The following C3orf33 variants were observed in gnomAD, a reference collection of about 807,000 sequenced individuals.
C3orf33 encodes AP-1 activity suppressor.
C3orf33 carries 23 observed loss-of-function variants against 28.7 expected under a neutral mutation model. The ratio of observed to expected loss-of-function variants is 0.80; its 90% CI spans 0.58 to 1.13. The LOEUF is 1.13. C3orf33 is among the 50% of genes most tolerant of loss of function. C3orf33 has a pLI of 0.00. For synonymous variants in C3orf33, 119 were observed against 120.5 expected, an observed-to-expected ratio of 0.99 and a Z score of 0.08; for missense variants, 327 against 353.4, an observed-to-expected ratio of 0.93 and a Z score of 0.60.
intron 2 of C3orf33, among the ~76,000 whole-genome samples, chr3:155,796,113 C>T (rs915305884): frequency 8.6e-5 from 13 of 151,700 alleles, no homozygotes; most frequent in African/African-American, 3.1e-4. Context: ...AAAGCAAGAG[C>T]AAACCAAACC....
rs1751810160 is a variant in C3orf33, at chr3:155,806,249, C to A, written c.4G>T (p.Ala2Ser). The A allele has an allele frequency of 2.0e-6, 3 of 1,471,928 alleles. No individual in the cohort carries two copies. The highest frequency in any genetic ancestry group is 2.7e-6 in the Non-Finnish European group (3 of 1,110,024). 91.2% of individuals were successfully genotyped at this position (1,471,928 alleles called of 1,614,324 possible). Residue 2 changes from alanine to serine, a missense_variant, in exon 1 of 5, where the codon GCG becomes TCG. By Grantham distance (99) the Ala-to-Ser change is moderately conservative. Coordinates refer to ENST00000340171, the MANE Select transcript of C3orf33 (RefSeq NM_001308229.2). M[A>S]GQPAATGSPS... The stretch of plus-strand genomic sequence containing the variant: ...GAGCCGGTGGCCGCGGGCTGCCCCG[C>A]CATGTTCCCGGCCTCCTGCGAGCGG...
In C3orf33 at chr3:155,795,368, A is replaced by C. The variant is rs373211337; in HGVS notation, c.174+7164T>G. 8.5e-5 allele frequency among the ~76,000 whole-genome samples: 13 copies of C among 152,172 alleles called. No homozygotes were observed. The East Asian group carries it at 1.2e-3, about 14-fold the overall frequency. ...CTGATCAGGAGGCTGAGGCAGGAAA[A>C]TTGCTTGAACCCAGGAGGCGGAGGT... On this transcript the variant is annotated intron_variant, in intron 2 of 4. Transcript: ENST00000340171.
At chr3:155,765,949 T>C (rs1288447149) in intron 4 of C3orf33, among the ~76,000 whole-genome samples, 1 of 152,254 alleles carries the variant, frequency 6.6e-6, no homozygotes, top group Admixed American at 6.5e-5. Flanking sequence ...CATCTGGACA[T>C]GCAAAAATTA....
rs1446695697 is a variant in C3orf33, at chr3:155,790,184, A to T, written c.174+12348T>A. Among the ~76,000 whole-genome samples the T allele has an allele frequency of 9.3e-5, 14 of 150,644 alleles. No individual in the cohort carries two copies. In the South Asian group the frequency reaches 2.1e-3, roughly 23 times the overall value. ...GTCTCAAAAAAAAAAAAAAAAAAAA[A>T]AAAAATTGGTGCTGAGAAAACGGAA... On this transcript the variant is annotated intron_variant, in intron 2 of 4. Transcript: ENST00000340171.
chr3:155,770,466 A>C, intron 3 of C3orf33, among the ~76,000 whole-genome samples: 1 of 152,212 alleles, frequency 6.6e-6, no homozygotes, highest in East Asian at 1.9e-4. Context: ...GGGACCAAAA[A>C]CTTGAAGTGG....
At chr3:155,792,402 T>C (rs1751342019) in intron 2 of C3orf33, among the ~76,000 whole-genome samples, 1 of 151,964 alleles carries the variant, frequency 6.6e-6, no homozygotes, top group Admixed American at 6.6e-5. Context: ...CTATAATAAA[T>C]ACCGAAATCT....
At chr3:155,790,227 GAA>G (rs796923838) in intron 2 of C3orf33, among the ~76,000 whole-genome samples, 1 of 65,774 alleles carries the variant, frequency 1.5e-5, no homozygotes, top group African/African-American at 5.8e-5. Flanking sequence ...ATGCAAAAAA[GAA>G]AAAAAAAAAA....
intron 2 of C3orf33, among the ~76,000 whole-genome samples, chr3:155,790,039 C>T (rs1751262497): frequency 6.6e-6 from 1 of 151,832 alleles, no homozygotes; most frequent in East Asian, 1.9e-4. Flanking sequence ...TGGCGCATGC[C>T]TGTAGTCCCA....
At chr3:155,805,847 G>T in intron 1 of C3orf33, 1 of 511,032 alleles carries the variant, frequency 2.0e-6, no homozygotes, top group Non-Finnish European at 3.5e-6. Context: ...GGACCAGGTG[G>T]CATCCCCGAG....
chr3:155,775,507 C>T (rs988741044), intron 3 of C3orf33, among the ~76,000 whole-genome samples, 194 bp downstream of exon 3: 2 of 147,606 alleles, frequency 1.4e-5, no homozygotes, highest in African/African-American at 5.0e-5. Context: ...AAAAAAGGAA[C>T]GAAAGAAGAA....
intron 1 of C3orf33, among the ~76,000 whole-genome samples, chr3:155,805,913 C>T (rs1207224310): frequency 6.6e-6 from 1 of 152,186 alleles, no homozygotes; most frequent in Non-Finnish European, 1.5e-5. Context: ...GGATCCAGAA[C>T]AGTCCTTGTA....
intron 1 of C3orf33, 70 bp from the exon 2 acceptor site, chr3:155,802,661 G>C: frequency 2.5e-6 from 3 of 1,219,362 alleles, no homozygotes; most frequent in Non-Finnish European, 2.3e-6. Flanking sequence ...CTAATTAGAA[G>C]GTAGAAAAAA....
intron 3 of C3orf33, among the ~76,000 whole-genome samples, chr3:155,771,243 C>A (rs1750583184): frequency 6.6e-6 from 1 of 152,008 alleles, no homozygotes; most frequent in Non-Finnish European, 1.5e-5. Context: ...GTAACCAGGG[C>A]AACAGGCACA....
chr3:155,763,308 C>T lies in C3orf33; in HGVS notation c.*209G>A, dbSNP rs6806798. The stretch of plus-strand genomic sequence containing the variant: ...GTAACTTCTCATAAAGTGTTTCATC[C>T]TTCCTAAAATCATATTACATTAATT... On this transcript the variant is annotated 3_prime_UTR_variant, in exon 5 of 5. Coordinates refer to ENST00000340171, the MANE Select transcript of C3orf33 (RefSeq NM_001308229.2). The T allele has an allele frequency of 0.59, 218,717 of 372,824 alleles. 65,700 individuals are homozygous for T. Among genetic ancestry groups the T allele is most frequent in the Middle Eastern group, 0.67 (950 of 1,412 alleles). The allele number at this position is 372,824 out of a possible 1,614,324, so 23.1% of individuals were successfully genotyped here.
At chr3:155,775,585 C>T in intron 3 of C3orf33, 116 bp downstream of exon 3, 2 of 630,844 alleles carry the variant, frequency 3.2e-6, no homozygotes, top group Non-Finnish European at 4.9e-6. Flanking sequence ...GAGACTTTCT[C>T]ATGGACAATG....
chr3:155,805,853 C>T, intron 1 of C3orf33: 1 of 520,458 alleles, frequency 1.9e-6, no homozygotes, highest in South Asian at 2.4e-5. Context: ...GGTGGCATCC[C>T]CGAGCTGGGC....
At chr3:155,792,043 C>T (rs2109274080) in intron 2 of C3orf33, among the ~76,000 whole-genome samples, 1 of 152,212 alleles carries the variant, frequency 6.6e-6, no homozygotes, top group African/African-American at 2.4e-5. Context: ...GCTGTGTTGG[C>T]TTCAGGTCTG....
At chr3:155,766,972 T>C (rs1464002547) in intron 4 of C3orf33, among the ~76,000 whole-genome samples, 1 of 147,676 alleles carries the variant, frequency 6.8e-6, no homozygotes, top group African/African-American at 2.5e-5. Flanking sequence ...TCATAAACAA[T>C]AGGCCAGGCG....
At chr3:155,781,304 C>T (rs931630067) in intron 2 of C3orf33, among the ~76,000 whole-genome samples, 1 of 152,032 alleles carries the variant, frequency 6.6e-6, no homozygotes, top group Non-Finnish European at 1.5e-5. Context: ...AAACCCCTTA[C>T]ATGGTGAAGC....
Sources: gnomAD v4.1 joint callset for allele counts (sites outside exome capture counted in the v4.1 genomes callset) on GRCh38, gnomAD v4.1.1 for gene constraint, MANE v1.5 for transcripts, NCBI Gene and HGNC (gene_info 2026-07-23, HGNC 2026-07-21) for gene names.